Variants in GFAP observed in about 807,000 individuals in gnomAD.
The protein encoded by GFAP is intermediate filament protein.
In GFAP, 38 loss-of-function variants were observed where a neutral mutation model predicts 49.3. The ratio of observed to expected loss-of-function variants is 0.77; its 90% CI spans 0.60 to 1.01. The LOEUF (loss-of-function observed/expected upper bound fraction) is 1.01. Ranked by LOEUF, GFAP falls within the 50% of genes least tolerant of loss-of-function variation. The probability of loss-of-function intolerance (pLI) is 0.00; values close to 1 mark genes in which losing one functional copy is unlikely to be tolerated. For missense variants in GFAP, 463 were observed against 579.1 expected (o/e 0.80, Z 2.06); for synonymous variants, 222 against 236.4 (o/e 0.94, Z 0.56).
In GFAP at chr17:44,913,776, A is replaced by G; in HGVS notation, c.570T>C (p.Ile190=). The stretch of plus-strand genomic sequence containing the variant: ...ACCGGATCTCCTCCTCCAGCGACTC[A>G]ATCTTCCTCTCCAGATCCAGACGGG... ...TLARLDLERK[I]ESLEEEIRFL... is the part of the protein sequence containing the mutation. Residue 190 remains isoleucine, a synonymous_variant, in exon 3 of 9, where the codon ATT becomes ATC. Transcript: ENST00000588735. 1 of 1,613,958 alleles carries G rather than the reference A, an allele frequency of 6.2e-7. No homozygotes were observed. Among genetic ancestry groups the G allele is most frequent in the African/African-American group, 1.3e-5 (1 of 74,968 alleles).
chr17:44,912,481 A>C (rs1301917985), intron 4 of GFAP: 1 of 153,612 alleles, frequency 6.5e-6, no homozygotes, highest in East Asian at 1.9e-4. Flanking sequence ...TCCCAGCCCC[A>C]TCGGGCCCTC....
At position 44,903,463 on chromosome 17, in the gene GFAP, C is replaced by T; in HGVS notation, c.*3884G>A. On this transcript the variant is annotated 3_prime_UTR_variant, in exon 9 of 9. Transcript: ENST00000588735. ...TTCCACCAGGCTGGCAGGGCAGGGC[C>T]TGGAGCACTGAGGCAGAGATCTCCC... 7.9e-7 allele frequency: 1 copy of T among 1,267,340 alleles called. No individual in the cohort carries two copies. The highest frequency in any genetic ancestry group is 9.9e-7 in the Non-Finnish European group (1 of 1,009,230). 78.5% of individuals were successfully genotyped at this position (1,267,340 alleles called of 1,614,324 possible).
intron 7 of GFAP, chr17:44,910,273 G>A (rs2051730388): frequency 1.9e-6 from 3 of 1,613,894 alleles, no homozygotes; most frequent in South Asian, 1.1e-5. Flanking sequence ...GTAGTGACAA[G>A]CAGTTAAAAA....
chr17:44,909,974 C>G (rs1300633704), intron 7 of GFAP: 7 of 1,489,328 alleles, frequency 4.7e-6, no homozygotes, highest in Non-Finnish European at 6.2e-6. Context: ...TTACTCTGTA[C>G]CACGTCCTGG....
At position 44,912,108 on chromosome 17, in the gene GFAP, G is replaced by GT. The variant is rs139660955; in HGVS notation, c.781-312dup. Among the ~76,000 whole-genome samples the GT allele has an allele frequency of 0.079, 11,864 of 150,592 alleles. 504 individuals are homozygous for GT. The highest frequency in any genetic ancestry group is 0.2 in the Middle Eastern group (58 of 286). On this transcript the variant is annotated intron_variant, in intron 4 of 8. Coordinates refer to ENST00000588735, the MANE Select transcript of GFAP (RefSeq NM_002055.5). ...GAGCGGAGGCCTGGGTGTTTTGTGT[G>GT]TTTTTGTTTTTTTGTTTTTTTTGTT...
intron 1 of GFAP, chr17:44,914,441 C>T (rs1008577182): frequency 2.3e-5 from 7 of 299,316 alleles, no homozygotes; most frequent in Non-Finnish European, 4.4e-5. Flanking sequence ...CTCAGTGAAG[C>T]GCCATGCCCC....
rs892136018 is a variant in GFAP, at chr17:44,907,178, G to C, written c.*169C>G. On this transcript the variant is annotated 3_prime_UTR_variant, in exon 9 of 9. Coordinates refer to ENST00000588735, the MANE Select transcript of GFAP (RefSeq NM_002055.5). ...GGTGCCGTCTGGCAGGCCTGATACT[G>C]ACGGAGCCTAGGGCAGCAAGCTGAC... is the stretch of plus-strand genomic sequence containing the variant. The C allele has an allele frequency of 1.3e-5, 9 of 681,268 alleles. No individual in the cohort carries two copies. Among genetic ancestry groups the C allele is most frequent in the Non-Finnish European group, 2.4e-5 (9 of 374,382 alleles). The allele number at this position is 681,268 out of a possible 1,614,324, so 42.2% of individuals were successfully genotyped here. A position where few individuals can be genotyped will look rare whatever the true frequency, so the allele number is the denominator to read the frequency against.
At chr17:44,911,527 G>A (rs1271827203) in intron 5 of GFAP, 71 bp from the exon 6 acceptor site, 2 of 1,543,394 alleles carry the variant, frequency 1.3e-6, no homozygotes, top group East Asian at 4.5e-5. Context: ...CCCGGCCCCC[G>A]GCCCCAGGCC....
rs965980134 is a variant in GFAP at position 44,915,159 on chromosome 17, T to C, written c.328A>G (p.Thr110Ala). The part of the protein sequence containing the change: ...ELNQLRAKEP[T>A]KLADVYQAEL... Reference sequence around the variant, plus strand: ...GCCTGGTAGACGTCTGCCAGCTTGGTGGGCTCCTTGGCCCGCAGCTGGTTC... The same window carrying C: ...GCCTGGTAGACGTCTGCCAGCTTGGCGGGCTCCTTGGCCCGCAGCTGGTTC... The change falls in exon 1 of 9, where the codon ACC becomes GCC. Residue 110 changes from threonine (T) to alanine (A), a missense_variant. Physicochemically the swap from Thr to Ala is moderately conservative, Grantham distance 58. Transcript: ENST00000588735. The surrounding 1 kb of genome is among the most constrained non-coding windows in gnomAD (Gnocchi z 4.1). 3 of 1,614,146 alleles carry C rather than the reference T, an allele frequency of 1.9e-6. No homozygotes were observed. The highest frequency in any genetic ancestry group is 2.5e-6 in the Non-Finnish European group (3 of 1,180,026).
At chr17:44,910,144 G>C in intron 7 of GFAP, 1 of 1,613,944 alleles carries the variant, frequency 6.2e-7, no homozygotes, top group African/African-American at 1.3e-5. Context: ...AGCTAACCGC[G>C]AGCCGGCGGC....
At chr17:44,908,179 T>G in intron 7 of GFAP, 30 bp from the exon 8 acceptor site, 1 of 1,502,538 alleles carries the variant, frequency 6.7e-7, no homozygotes, top group Non-Finnish European at 9.3e-7. Context: ...AGGCCTCTCA[T>G]GGACTTTCAG....
chr17:44,915,403 G>A lies in GFAP; in HGVS notation c.84C>T (p.Gly28=). 1 of 1,606,518 alleles carries A rather than the reference G, an allele frequency of 6.2e-7. No homozygotes were observed. Among genetic ancestry groups the A allele is most frequent in the African/African-American group, 1.3e-5 (1 of 74,972 alleles). The change falls in exon 1 of 9, where the codon GGC becomes GGT. Residue 28 remains glycine, a synonymous_variant. Coordinates refer to ENST00000588735, the MANE Select transcript of GFAP (RefSeq NM_002055.5). This position sits in a 1 kb window ranked among gnomAD's most constrained non-coding sequence, Gnocchi z 4.1. The stretch of plus-strand genomic sequence containing the variant: ...GGCGGGTGCCAGGACCCAGACGGCG[G>A]CCAGGAGCCAGGCCCCCCACCATCA... ...GEMMVGGLAP[G]RRLGPGTRLS...
chr17:44,914,984 C>T (rs1402018657), intron 1 of GFAP, 42 bp downstream of exon 1: 2 of 1,543,244 alleles, frequency 1.3e-6, no homozygotes, highest in African/African-American at 2.7e-5. Context: ...GGGATTCAGC[C>T]CCTTCTGCTC....
intron 6 of GFAP, 153 bp from the exon 7 acceptor site, chr17:44,910,811 G>A (rs920928754): frequency 3.9e-5 from 43 of 1,098,910 alleles, no homozygotes; most frequent in Non-Finnish European, 5.3e-5. Context: ...CAGCCAACGT[G>A]CTATCTGGAG....
Position 44,913,913 on chromosome 17 carries a change from T to C in GFAP, c.523-90A>G. On this transcript the variant is annotated intron_variant, in intron 2 of 8. Coordinates refer to ENST00000588735, the MANE Select transcript of GFAP (RefSeq NM_002055.5). The stretch of plus-strand genomic sequence containing the variant: ...CTCAGCCTTGCCTTACCCCTCCTTC[T>C]GGGGCAGTGGGGAGCAGCACATTGC... 11 of 1,340,924 alleles carry C rather than the reference T, an allele frequency of 8.2e-6. No homozygotes were observed. In the South Asian group the frequency reaches 1.3e-4, roughly 16 times the overall value. The allele number at this position is 1,340,924 out of a possible 1,614,324, so 83.1% of individuals were successfully genotyped here.
intron 7 of GFAP, 57 bp downstream of exon 7, chr17:44,910,558 C>A: frequency 6.4e-7 from 1 of 1,555,862 alleles, no homozygotes. Flanking sequence ...AACCTACAGG[C>A]CCTGGAGGAG....
At position 44,906,992 on chromosome 17, in the gene GFAP, C is replaced by T. The variant is rs1018433363; in HGVS notation, c.*355G>A. 4.2e-5 allele frequency: 16 copies of T among 377,312 alleles called. No homozygotes were observed. The highest frequency in any genetic ancestry group is 6.6e-5 in the Non-Finnish European group (13 of 197,844). The allele number at this position is 377,312 out of a possible 1,614,324, so 23.4% of individuals were successfully genotyped here. A position where few individuals can be genotyped will look rare whatever the true frequency, so the allele number is the denominator to read the frequency against. On this transcript the variant is annotated 3_prime_UTR_variant, in exon 9 of 9. Coordinates refer to ENST00000588735, the MANE Select transcript of GFAP (RefSeq NM_002055.5). ...CCATCTCTGGCAACAGTTTCCATAA[C>T]AACAGGAATCAGGGATGTGGAGGGC... is the stretch of plus-strand genomic sequence containing the variant.
At position 44,914,030 on chromosome 17, in the gene GFAP, G is replaced by A; in HGVS notation, c.520C>T (p.Gln174Ter). 1 of 1,557,112 alleles carries A rather than the reference G, an allele frequency of 6.4e-7. No individual in the cohort carries two copies. The highest frequency in any genetic ancestry group is 8.7e-7 in the Non-Finnish European group (1 of 1,148,950). The change falls in exon 2 of 9, where the codon CAG (glutamine) becomes TAG (stop). Residue 174 changes from glutamine (Q) to a stop codon, truncating the protein, a stop_gained and splice_region_variant. Coordinates refer to ENST00000588735, the MANE Select transcript of GFAP (RefSeq NM_002055.5). LOFTEE classifies it high-confidence loss of function. The stretch of plus-strand genomic sequence containing the variant: ...CCCCTCCCCTCCACCTCCCTGACCT[G>A]TCTATAGGCAGCCAGGTTGTTCTCG... ...EAENNLAAYR[Q>*]EADEATLARL...
rs777531651 is a variant in GFAP at position 44,915,067 on chromosome 17, C to A, written c.420G>T (p.Glu140Asp). The change falls in exon 1 of 9, where the codon GAG (glutamate) becomes GAT (aspartate). Residue 140 changes from glutamate (E) to aspartate (D), a missense_variant. Physicochemically the swap from Glu to Asp is conservative, Grantham distance 45. Around this residue, in one of 3 missense-constraint regions of GFAP, gnomAD observed 362 missense variants for 445.5 expected, o/e 0.81. Coordinates refer to ENST00000588735, the MANE Select transcript of GFAP (RefSeq NM_002055.5). This position sits in a 1 kb window ranked among gnomAD's most constrained non-coding sequence, Gnocchi z 4.1. Reference protein sequence around the residue: ...LTANSARLEVERDNLAQDLAT... With the variant: ...LTANSARLEVDRDNLAQDLAT... ...CCAGGTCCTGTGCCAGATTGTCCCT[C>A]TCAACCTCCAGCCGGGCGCTGTTGG... The A allele has an allele frequency of 1.9e-6, 3 of 1,613,100 alleles. No individual in the cohort carries two copies. The highest frequency in any genetic ancestry group is 2.5e-6 in the Non-Finnish European group (3 of 1,180,026).
Sources: allele counts gnomAD v4.1 joint callset (sites outside exome capture counted in the v4.1 genomes callset), GRCh38; gene constraint gnomAD v4.1.1; regional missense constraint gnomAD v4.1.1; non-coding constraint Gnocchi (gnomAD v3.1); transcripts MANE v1.5; gene names NCBI Gene and HGNC (gene_info 2026-07-23, HGNC 2026-07-21).